ATG10: variants seen among roughly 807,000 people sequenced by gnomAD.
ATG10 encodes the protein ubiquitin-like-conjugating enzyme ATG10.
ATG10 carries 30 observed loss-of-function variants against 32.1 expected under a neutral mutation model. The ratio of observed to expected loss-of-function variants is 0.94; its 90% CI spans 0.70 to 1.27. The LOEUF (loss-of-function observed/expected upper bound fraction) is 1.27, where lower values mean the gene tolerates loss of function less well. ATG10 is among the 50% of genes most tolerant of loss of function. The pLI is 0.00. For missense variants in ATG10, 233 were observed against 262.3 expected, an observed-to-expected ratio of 0.89 and a Z score of 0.77; for synonymous variants, 87 against 91.5, an observed-to-expected ratio of 0.95 and a Z score of 0.28.
At chr5:82,172,815 C>G (rs1323613672) in intron 4 of ATG10, among the ~76,000 whole-genome samples, 2 of 152,104 alleles carry the variant, frequency 1.3e-5, no homozygotes, top group African/African-American at 4.8e-5. Flanking sequence ...GATACAAAGT[C>G]CTAAAATGCT....
chr5:82,165,021 C>G (rs1743520450), intron 4 of ATG10, among the ~76,000 whole-genome samples: 1 of 152,240 alleles, frequency 6.6e-6, no homozygotes, highest in Non-Finnish European at 1.5e-5. Flanking sequence ...GCCATCTATA[C>G]ATCTCCAATG....
At chr5:82,228,706 A>T (rs943671265) in intron 5 of ATG10, among the ~76,000 whole-genome samples, 12 of 152,222 alleles carry the variant, frequency 7.9e-5, no homozygotes, top group Admixed American at 3.3e-4. Context: ...TGGAAATCAT[A>T]TAATTTGCAA....
At chr5:81,986,321 G>T (rs763661021) in intron 1 of ATG10, among the ~76,000 whole-genome samples, 2 of 152,216 alleles carry the variant, frequency 1.3e-5, no homozygotes, top group Non-Finnish European at 2.9e-5. Context: ...TGATCAGCAT[G>T]CTGTAGACAT....
intron 2 of ATG10, among the ~76,000 whole-genome samples, chr5:81,999,995 GGAGAA>G (rs1175872570): frequency 1.3e-5 from 2 of 151,670 alleles, no homozygotes; most frequent in Non-Finnish European, 2.9e-5. Context: ...AAAAACTTGA[GGAGAA>G]GAGAACAACA....
At chr5:82,014,466 G>A (rs1762221002) in intron 2 of ATG10, among the ~76,000 whole-genome samples, 1 of 152,186 alleles carries the variant, frequency 6.6e-6, no homozygotes, top group Non-Finnish European at 1.5e-5. Context: ...GGGAGTCTAA[G>A]TCTCTTTGTA....
At chr5:82,056,729 T>C (rs1763614799) in intron 2 of ATG10, among the ~76,000 whole-genome samples, 1 of 152,168 alleles carries the variant, frequency 6.6e-6, no homozygotes, top group African/African-American at 2.4e-5. Flanking sequence ...CAGTAGCCAA[T>C]GCTCCTCTAA....
intron 3 of ATG10, among the ~76,000 whole-genome samples, chr5:82,136,756 C>A (rs141127842): frequency 6.6e-6 from 1 of 152,046 alleles, no homozygotes; most frequent in Non-Finnish European, 1.5e-5. Context: ...GAGTGTTGGC[C>A]TGTTTTGCTA....
chr5:82,040,579 A>G (rs924926838), intron 2 of ATG10, among the ~76,000 whole-genome samples: 3 of 152,236 alleles, frequency 2.0e-5, no homozygotes, highest in African/African-American at 7.2e-5. Flanking sequence ...ATTTTAAAAA[A>G]ATAGATTACA....
At chr5:82,100,809 A>G (rs1323613222) in intron 3 of ATG10, among the ~76,000 whole-genome samples, 3 of 135,462 alleles carry the variant, frequency 2.2e-5, no homozygotes, top group African/African-American at 8.2e-5. Flanking sequence ...GCCTGTAACC[A>G]CAGCATGAGT....
chr5:82,038,638 A>G (rs1763001993), intron 2 of ATG10, among the ~76,000 whole-genome samples: 4 of 152,302 alleles, frequency 2.6e-5, no homozygotes, highest in Admixed American at 2.6e-4. Context: ...CTCTCTTTCT[A>G]AGCTCTTCCG....
At chr5:82,026,960 G>A (rs1192700117) in intron 2 of ATG10, among the ~76,000 whole-genome samples, 1 of 151,988 alleles carries the variant, frequency 6.6e-6, no homozygotes, top group Non-Finnish European at 1.5e-5. Context: ...TCGAGAGGCT[G>A]AGGCAGGAGA....
At chr5:82,003,963 A>G (rs1761919275) in intron 2 of ATG10, among the ~76,000 whole-genome samples, 1 of 152,140 alleles carries the variant, frequency 6.6e-6, no homozygotes. Context: ...AATATGGTGA[A>G]ATCCCATCTC....
intron 1 of ATG10, among the ~76,000 whole-genome samples, chr5:81,983,458 G>T (rs1447428250): frequency 7.0e-6 from 1 of 143,446 alleles, no homozygotes; most frequent in African/African-American, 2.6e-5. Flanking sequence ...GCCGGGCGGG[G>T]GTCTGACCCC....
intron 2 of ATG10, among the ~76,000 whole-genome samples, chr5:81,990,372 T>C (rs930998668): frequency 3.3e-5 from 5 of 152,184 alleles, no homozygotes; most frequent in African/African-American, 1.2e-4. Flanking sequence ...GGCAAGATGA[T>C]AAAAATTCCT....
At chr5:82,176,700 T>A (rs546301118) in intron 4 of ATG10, among the ~76,000 whole-genome samples, 1 of 152,206 alleles carries the variant, frequency 6.6e-6, no homozygotes, top group African/African-American at 2.4e-5. Flanking sequence ...CAGAAAACAA[T>A]ATAACACAGA....
At chr5:82,076,035 A>G (rs1764263031) in intron 3 of ATG10, among the ~76,000 whole-genome samples, 1 of 152,216 alleles carries the variant, frequency 6.6e-6, no homozygotes, top group Non-Finnish European at 1.5e-5. Context: ...ATACTTAAGT[A>G]GTTTGTAAAG....
intron 5 of ATG10, chr5:82,242,754 C>A (rs1262912156): frequency 5.3e-6 from 2 of 380,676 alleles, no homozygotes; most frequent in Non-Finnish European, 1.0e-5. Context: ...AAAATGAGGG[C>A]AATATAAAGC....
intron 5 of ATG10, among the ~76,000 whole-genome samples, chr5:82,228,034 C>G (rs1469468965): frequency 6.6e-6 from 1 of 151,734 alleles, no homozygotes; most frequent in Non-Finnish European, 1.5e-5. Flanking sequence ...AGAGAAACCC[C>G]ACCTCTGCAA....
intron 2 of ATG10, among the ~76,000 whole-genome samples, chr5:82,033,729 AACACACACACACACAC>A (rs59922803): frequency 1.4e-5 from 2 of 146,254 alleles, no homozygotes; most frequent in East Asian, 2.0e-4. Context: ...ATACTATACA[AACACACACACACACAC>A]ACACACACAC....
Sources: gnomAD v4.1 joint callset for allele counts (sites outside exome capture counted in the v4.1 genomes callset) on GRCh38, gnomAD v4.1.1 for gene constraint, MANE v1.5 for transcripts, NCBI Gene and HGNC (gene_info 2026-07-23, HGNC 2026-07-21) for gene names.